The following CACNA1D variants were observed in gnomAD, a reference collection of about 807,000 sequenced individuals.
CACNA1D encodes voltage-dependent L-type calcium channel subunit alpha-1D.
CACNA1D carries 55 observed loss-of-function variants against 257.1 expected under a neutral mutation model. That is an observed-to-expected ratio of 0.21 (90% CI 0.17 to 0.27). The LOEUF is 0.27. Among genes scored for constraint, CACNA1D ranks in the 10% least tolerant of loss-of-function variants. The pLI is 1.00. For missense variants in CACNA1D, 1,876 were observed against 2,784.0 expected (o/e 0.67, Z 7.34); for synonymous variants, 980 against 1,014.9 (o/e 0.97, Z 0.65).
intron 3 of CACNA1D, among the ~76,000 whole-genome samples, chr3:53,542,408 T>C (rs896576711): frequency 1.5e-4 from 23 of 151,666 alleles, no homozygotes; most frequent in Non-Finnish European, 2.6e-4. Flanking sequence ...ATGGAGACTT[T>C]GTCTCTACAA....
At chr3:53,672,781 T>TGTGTGC (rs2094336612) in intron 7 of CACNA1D, among the ~76,000 whole-genome samples, 1 of 145,838 alleles carries the variant, frequency 6.9e-6, no homozygotes, top group Admixed American at 6.8e-5. Flanking sequence ...TGTGTGTGTG[T>TGTGTGC]GTGTGTGTGT....
intron 8 of CACNA1D, among the ~76,000 whole-genome samples, chr3:53,701,107 G>T (rs1236811112): frequency 1.3e-5 from 2 of 151,324 alleles, no homozygotes; most frequent in African/African-American, 4.9e-5. Flanking sequence ...AGAGACGGGT[G>T]TGAATATGGG....
At chr3:53,510,974 G>T (rs547111121) in intron 3 of CACNA1D, among the ~76,000 whole-genome samples, 3 of 152,160 alleles carry the variant, frequency 2.0e-5, no homozygotes, top group Non-Finnish European at 4.4e-5. Flanking sequence ...ATTCCAGGTA[G>T]CTAATAGGTA....
chr3:53,724,194 A>T (rs570553522), intron 14 of CACNA1D, among the ~76,000 whole-genome samples, 195 bp downstream of exon 14: 12 of 152,328 alleles, frequency 7.9e-5, no homozygotes, highest in Non-Finnish European at 1.8e-4. Flanking sequence ...ATCTTAAGTG[A>T]TGTAATTTTT....
At chr3:53,736,399 A>T (rs2095058056) in intron 20 of CACNA1D, among the ~76,000 whole-genome samples, 2 of 152,226 alleles carry the variant, frequency 1.3e-5, no homozygotes, top group Non-Finnish European at 2.9e-5. Flanking sequence ...GGGAAGATTT[A>T]TTATAAAATA....
intron 3 of CACNA1D, among the ~76,000 whole-genome samples, chr3:53,511,678 A>G (rs913820666): frequency 2.6e-5 from 4 of 152,210 alleles, no homozygotes; most frequent in South Asian, 4.1e-4. Flanking sequence ...ATAAATTAGT[A>G]TAGGATGAAA....
At chr3:53,508,351 G>C (rs1300251903) in intron 3 of CACNA1D, among the ~76,000 whole-genome samples, 1 of 151,870 alleles carries the variant, frequency 6.6e-6, no homozygotes, top group Non-Finnish European at 1.5e-5. Flanking sequence ...TAGGTTTGGG[G>C]GTACATGTGA....
At chr3:53,546,589 T>C (rs1178321567) in intron 3 of CACNA1D, among the ~76,000 whole-genome samples, 1 of 152,210 alleles carries the variant, frequency 6.6e-6, no homozygotes. Flanking sequence ...GAGATCCTGC[T>C]GCATTTATAA....
intron 9 of CACNA1D, among the ~76,000 whole-genome samples, chr3:53,717,246 T>C (rs985538586): frequency 2.6e-5 from 4 of 152,348 alleles, no homozygotes; most frequent in Middle Eastern, 3.4e-3. Flanking sequence ...GAATTAATCC[T>C]TCTTTACTCT....
intron 3 of CACNA1D, among the ~76,000 whole-genome samples, chr3:53,649,031 G>A (rs1425911082): frequency 6.6e-6 from 1 of 152,120 alleles, no homozygotes; most frequent in Non-Finnish European, 1.5e-5. Context: ...GCATGGCCAT[G>A]GCTGCATGGT....
At chr3:53,642,273 T>G (rs2093963608) in intron 3 of CACNA1D, among the ~76,000 whole-genome samples, 1 of 152,206 alleles carries the variant, frequency 6.6e-6, no homozygotes, top group Non-Finnish European at 1.5e-5. Context: ...CTGGCAACTC[T>G]AGGCTTGTGG....
chr3:53,611,784 A>C (rs1247736703), intron 3 of CACNA1D, among the ~76,000 whole-genome samples: 1 of 152,076 alleles, frequency 6.6e-6, no homozygotes, highest in Non-Finnish European at 1.5e-5. Flanking sequence ...AGGATAAGCA[A>C]ATTTTTTTCT....
chr3:53,663,614 C>A (rs1333553743), intron 5 of CACNA1D, among the ~76,000 whole-genome samples: 1 of 152,132 alleles, frequency 6.6e-6, no homozygotes, highest in African/African-American at 2.4e-5. Context: ...CACTCTGGCA[C>A]TGAGTATGAC....
intron 7 of CACNA1D, among the ~76,000 whole-genome samples, chr3:53,669,704 G>A (rs1442244930): frequency 6.6e-6 from 1 of 152,212 alleles, no homozygotes; most frequent in African/African-American, 2.4e-5. Context: ...GGATGTGTGG[G>A]AAGTGGGATC....
Position 53,774,555 on chromosome 3 carries a change from A to T in CACNA1D, c.4111-32A>T. The T allele has an allele frequency of 1.5e-6, 2 of 1,306,542 alleles. No individual in the cohort carries two copies. Among genetic ancestry groups the T allele is most frequent in the South Asian group, 2.4e-5 (2 of 85,022 alleles). 80.9% of individuals were successfully genotyped at this position (1,306,542 alleles called of 1,614,324 possible). A position where few individuals can be genotyped will look rare whatever the true frequency, so the allele number is the denominator to read the frequency against. On this transcript the variant is annotated intron_variant, in intron 33 of 47. Transcript: ENST00000350061. This position sits in a 1 kb window ranked among gnomAD's most constrained non-coding sequence, Gnocchi z 4.3. ...GGATTTTTTTTGCATGACGAAATCTATTCTCTTTTTCCTGACAACTTCTCC... is the reference window on the plus strand; with the variant it reads ...GGATTTTTTTTGCATGACGAAATCTTTTCTCTTTTTCCTGACAACTTCTCC...
At chr3:53,699,565 G>A (rs2094601579) in intron 8 of CACNA1D, among the ~76,000 whole-genome samples, 1 of 152,184 alleles carries the variant, frequency 6.6e-6, no homozygotes, top group Non-Finnish European at 1.5e-5. Flanking sequence ...AGTGGTGTAG[G>A]AGGGCCAAGG....
intron 5 of CACNA1D, among the ~76,000 whole-genome samples, chr3:53,663,627 CA>C (rs1447625388): frequency 6.6e-6 from 1 of 152,120 alleles, no homozygotes; most frequent in East Asian, 1.9e-4. Context: ...AGTATGACTC[CA>C]TGGGTAGCTT....
Position 53,494,986 on chromosome 3 carries a change from T to TA in CACNA1D, c.-178dup, listed in dbSNP as rs112104996. On this transcript the variant is annotated 5_prime_UTR_variant, in exon 1 of 48. Transcript: ENST00000350061. ...CTTGGGTGGCGAGCGGTTTTTTTTT[T>TA]AAATCAATTATCCTTATTTTCTGTT... 2.8e-3 allele frequency: 1,122 copies of TA among 400,616 alleles called. 6 individuals are homozygous for TA. Among genetic ancestry groups the TA allele is most frequent in the African/African-American group, 0.017 (809 of 47,982 alleles). 24.8% of individuals were successfully genotyped at this position (400,616 alleles called of 1,614,324 possible).
chr3:53,533,459 T>G (rs907500652), intron 3 of CACNA1D, among the ~76,000 whole-genome samples: 9 of 152,232 alleles, frequency 5.9e-5, no homozygotes, highest in African/African-American at 1.7e-4. Context: ...AGATGGTCTT[T>G]GCAGCTCATT....
Sources: gnomAD v4.1 joint callset for allele counts (sites outside exome capture counted in the v4.1 genomes callset) on GRCh38, gnomAD v4.1.1 for gene constraint, Gnocchi (gnomAD v3.1) non-coding constraint, MANE v1.5 for transcripts, NCBI Gene and HGNC (gene_info 2026-07-23, HGNC 2026-07-21) for gene names.